NMT1: variants seen among roughly 807,000 people sequenced by gnomAD.
NMT1 encodes the protein N-myristoyltransferase 1, also known as glycylpeptide N-tetradecanoyltransferase 1.
A neutral mutation model predicts 63.4 loss-of-function variants in NMT1; 12 were observed. That is an observed-to-expected ratio of 0.19 (90% CI 0.12 to 0.31). The LOEUF is 0.31. Among genes scored for constraint, NMT1 ranks in the 10% least tolerant of loss-of-function variants. The probability of loss-of-function intolerance (pLI) is 1.00; values close to 1 mark genes in which losing one functional copy is unlikely to be tolerated. For missense variants in NMT1, 432 were observed against 634.6 expected, an observed-to-expected ratio of 0.68 and a Z score of 3.43; for synonymous variants, 228 against 234.3, an observed-to-expected ratio of 0.97 and a Z score of 0.25.
intron 1 of NMT1, among the ~76,000 whole-genome samples, chr17:45,066,078 G>A (rs1319306639): frequency 2.6e-5 from 4 of 151,902 alleles, no homozygotes; most frequent in East Asian, 1.9e-4. Context: ...CTAAATTCAT[G>A]TACTGGATTC....
chr17:45,068,308 C>T (rs1043577807), intron 1 of NMT1, among the ~76,000 whole-genome samples: 4 of 152,140 alleles, frequency 2.6e-5, no homozygotes, highest in Non-Finnish European at 5.9e-5. Flanking sequence ...CCCATCTCTA[C>T]TAAAAATACA....
At chr17:45,079,160 A>C (rs1040870946) in intron 1 of NMT1, among the ~76,000 whole-genome samples, 1 of 150,582 alleles carries the variant, frequency 6.6e-6, no homozygotes, top group African/African-American at 2.4e-5. Flanking sequence ...GCTGGAGTGC[A>C]ATGGCATGAT....
rs1315315310 is a variant in NMT1 at position 45,093,533 on chromosome 17, G to A, written c.386-152G>A. The stretch of plus-strand genomic sequence containing the variant: ...CTCAGTTAGGGGCTAAGGGTAGCTG[G>A]AAAGACGGTTTGCAGTTGCCAAGCA... On this transcript the variant is annotated intron_variant, in intron 3 of 11. Transcript: ENST00000258960. 2.6e-5 allele frequency: 16 copies of A among 612,804 alleles called. 1 individual carries two copies. The South Asian group carries it at 3.2e-4, about 12-fold the overall frequency. 38.0% of individuals were successfully genotyped at this position (612,804 alleles called of 1,614,324 possible). A position where few individuals can be genotyped will look rare whatever the true frequency, so the allele number is the denominator to read the frequency against.
chr17:45,067,438 GT>G (rs1290339871), intron 1 of NMT1, among the ~76,000 whole-genome samples: 1 of 152,178 alleles, frequency 6.6e-6, no homozygotes, highest in Non-Finnish European at 1.5e-5. Flanking sequence ...CCTGGGACAG[GT>G]TAACATGGAT....
At chr17:45,063,804 G>A (rs1280196363) in intron 1 of NMT1, among the ~76,000 whole-genome samples, 1 of 152,180 alleles carries the variant, frequency 6.6e-6, no homozygotes, top group African/African-American at 2.4e-5. Flanking sequence ...ACTGAGGCAG[G>A]AGAATCACTT....
At position 45,099,408 on chromosome 17, in the gene NMT1, T is replaced by C; in HGVS notation, c.888T>C (p.Tyr296=). The C allele has an allele frequency of 6.2e-7, 1 of 1,607,316 alleles. No homozygotes were observed. Among genetic ancestry groups the C allele is most frequent in the Non-Finnish European group, 8.5e-7 (1 of 1,173,688 alleles). The change falls in exon 8 of 12, where the codon TAT becomes TAC. Residue 296 remains tyrosine, a synonymous_variant. Coordinates refer to ENST00000258960, the MANE Select transcript of NMT1 (RefSeq NM_021079.5). ...CAGGACATTTGTGTCCCCACAGGTA[T>C]TGGCATCGGTCCCTAAACCCACGGA... ...VLPKPVGTCR[Y]WHRSLNPRKL...
Position 45,096,766 on chromosome 17 carries a change from G to A in NMT1, c.597-362G>A, listed in dbSNP as rs117857665. Among the ~76,000 whole-genome samples, 429 of 152,364 alleles carry A rather than the reference G, an allele frequency of 2.8e-3. 2 individuals carry two copies. The highest frequency in any genetic ancestry group is 0.017 in the Middle Eastern group (5 of 294). Reference sequence around the variant, plus strand: ...ATTTGTACCAGAAAGAGGGAGACAGGACACCAGAGCTCCAGGGTTGCCACA... The same window carrying A: ...ATTTGTACCAGAAAGAGGGAGACAGAACACCAGAGCTCCAGGGTTGCCACA... On this transcript the variant is annotated intron_variant, in intron 5 of 11. Coordinates refer to ENST00000258960, the MANE Select transcript of NMT1 (RefSeq NM_021079.5).
At position 45,108,366 on chromosome 17, in the gene NMT1, G is replaced by A. The variant is rs1358196928; in HGVS notation, c.*2727G>A. The A allele has an allele frequency of 6.6e-6, 1 of 152,296 alleles. No homozygotes were observed. Among genetic ancestry groups the A allele is most frequent in the African/African-American group, 2.4e-5 (1 of 41,438 alleles). 9.4% of individuals were successfully genotyped at this position (152,296 alleles called of 1,614,324 possible). ...CCCCACACATGCCTATTTCTGAAGA[G>A]GCTTCTGTCTTATTTGAAGGCCAGC... On this transcript the variant is annotated 3_prime_UTR_variant, in exon 12 of 12. Transcript: ENST00000258960.
At chr17:45,101,041 G>A (rs145366082) in intron 8 of NMT1, among the ~76,000 whole-genome samples, 2,511 of 141,322 alleles carry the variant, frequency 0.018, 52 homozygotes, top group South Asian at 0.076. Flanking sequence ...AAAATTAGCC[G>A]GGCTTGGTGG....
In NMT1 at chr17:45,105,667, G is replaced by A; in HGVS notation, c.*28G>A. The A allele has an allele frequency of 6.2e-7, 1 of 1,608,362 alleles. No individual in the cohort carries two copies. Among genetic ancestry groups the A allele is most frequent in the Non-Finnish European group, 8.5e-7 (1 of 1,177,890 alleles). ...AGTCACCAGTGCGATTCTGGATAAA[G>A]CCACTGAAAATTCGAACCAGGAAAT... On this transcript the variant is annotated 3_prime_UTR_variant, in exon 12 of 12. Transcript: ENST00000258960. The surrounding 1 kb of genome is among the most constrained non-coding windows in gnomAD (Gnocchi z 4.2).
At chr17:45,062,840 G>A in intron 1 of NMT1, among the ~76,000 whole-genome samples, 1 of 152,152 alleles carries the variant, frequency 6.6e-6, no homozygotes, top group Non-Finnish European at 1.5e-5. Flanking sequence ...AAGCATGACT[G>A]TATTTAAGTG....
chr17:45,093,339 T>C (rs768734090), intron 3 of NMT1, among the ~76,000 whole-genome samples: 13 of 152,272 alleles, frequency 8.5e-5, no homozygotes, highest in Non-Finnish European at 1.6e-4. Context: ...CTGATGGGCC[T>C]GGGCCAGGGC....
At chr17:45,100,472 G>A (rs559091412) in intron 8 of NMT1, among the ~76,000 whole-genome samples, 1 of 152,052 alleles carries the variant, frequency 6.6e-6, no homozygotes, top group South Asian at 2.1e-4. Context: ...GGAGGCTGAG[G>A]CAGGAGAATG....
chr17:45,087,334 C>T (rs1336512371), intron 3 of NMT1, among the ~76,000 whole-genome samples: 2 of 152,196 alleles, frequency 1.3e-5, no homozygotes, highest in Non-Finnish European at 2.9e-5. Flanking sequence ...CCAGCCTCTT[C>T]CCCTTTGTCT....
Position 45,103,118 on chromosome 17 carries a change from G to A in NMT1, c.1161G>A (p.Val387=), listed in dbSNP as rs774502405. Residue 387 remains valine (V), a synonymous_variant, in exon 9 of 12, where the codon GTG becomes GTA. Coordinates refer to ENST00000258960, the MANE Select transcript of NMT1 (RefSeq NM_021079.5). The surrounding 1 kb of genome is among the most constrained non-coding windows in gnomAD (Gnocchi z 4.8). ...AGAATATCATCGACACTTTCGTGGT[G>A]GAGGTGAGTCAGGGAGTGGTGTTCC... ...PQENIIDTFV[V]ENANGEVTDF... The A allele has an allele frequency of 1.9e-6, 3 of 1,607,300 alleles. No individual in the cohort carries two copies. The highest frequency in any genetic ancestry group is 2.7e-5 in the African/African-American group (2 of 74,942).
chr17:45,081,797 A>G (rs745547877), intron 2 of NMT1, 45 bp downstream of exon 2: 2 of 1,422,620 alleles, frequency 1.4e-6, no homozygotes, highest in Non-Finnish European at 1.9e-6. Flanking sequence ...ACTTTTTCAC[A>G]TGAGAGAGTT....
chr17:45,065,919 TCAGA>T (rs2053899885), intron 1 of NMT1, among the ~76,000 whole-genome samples: 1 of 151,342 alleles, frequency 6.6e-6, no homozygotes, highest in Non-Finnish European at 1.5e-5. Flanking sequence ...GCTATGTTGC[TCAGA>T]CTAGTCTCAA....
intron 1 of NMT1, chr17:45,061,898 G>A (rs189129818): frequency 6.4e-6 from 1 of 156,806 alleles, no homozygotes; most frequent in Non-Finnish European, 1.4e-5. Context: ...AAACTCATCA[G>A]ACTATACAAA....
At chr17:45,064,784 G>A (rs996899759) in intron 1 of NMT1, among the ~76,000 whole-genome samples, 3 of 152,140 alleles carry the variant, frequency 2.0e-5, no homozygotes, top group Admixed American at 2.0e-4. Context: ...GATCTCTCCA[G>A]TGCACTCCAG....
Sources: allele counts gnomAD v4.1 joint callset (sites outside exome capture counted in the v4.1 genomes callset), GRCh38; gene constraint gnomAD v4.1.1; non-coding constraint Gnocchi (gnomAD v3.1); transcripts MANE v1.5; gene names NCBI Gene and HGNC (gene_info 2026-07-23, HGNC 2026-07-21).